LEF1: variants seen among roughly 807,000 people sequenced by gnomAD.
The protein encoded by LEF1 is lymphoid enhancer-binding factor 1.
In LEF1, 14 loss-of-function variants were observed where a neutral mutation model predicts 51.2. That is an observed-to-expected ratio of 0.27 (90% CI 0.18 to 0.43). The LOEUF (loss-of-function observed/expected upper bound fraction) is 0.43, where lower values mean the gene tolerates loss of function less well. Ranked by LOEUF, LEF1 falls within the 20% of genes least tolerant of loss-of-function variation. LEF1 has a pLI of 1.00. For missense variants in LEF1, 386 were observed against 512.0 expected, an observed-to-expected ratio of 0.75 and a Z score of 2.37; for synonymous variants, 185 against 183.2, an observed-to-expected ratio of 1.01 and a Z score of -0.08.
intron 3 of LEF1, among the ~76,000 whole-genome samples, chr4:108,157,468 G>A (rs1408836366): frequency 6.6e-6 from 1 of 151,978 alleles, no homozygotes; most frequent in Non-Finnish European, 1.5e-5. Flanking sequence ...ACTTTTTACA[G>A]GTGAACATAA....
intron 3 of LEF1, among the ~76,000 whole-genome samples, chr4:108,117,061 T>C (rs1425946198): frequency 6.6e-6 from 1 of 152,234 alleles, no homozygotes; most frequent in Non-Finnish European, 1.5e-5. Flanking sequence ...GGTTAGCCTT[T>C]TCATCTGATA....
chr4:108,145,074 C>T (rs573945251), intron 3 of LEF1, among the ~76,000 whole-genome samples: 4 of 152,220 alleles, frequency 2.6e-5, no homozygotes, highest in Non-Finnish European at 5.9e-5. Context: ...GAATACATAG[C>T]ATTATCCACT....
chr4:108,099,572 A>ATG lies in LEF1; in HGVS notation c.415-10316_415-10315insCA, dbSNP rs1381677606. Among the ~76,000 whole-genome samples the ATG allele has an allele frequency of 3.9e-3, 72 of 18,372 alleles. 1 individual carries two copies. Among genetic ancestry groups the ATG allele is most frequent in the Admixed American group, 0.012 (20 of 1,688 alleles). 12.1% of individuals were successfully genotyped at this position (18,372 alleles called of 152,430 possible). A position where few individuals can be genotyped will look rare whatever the true frequency, so the allele number is the denominator to read the frequency against. Reference sequence around the variant, plus strand: ...TGTGTGTGTATGTGTGTGTGTGTGTATATATATATATATATATATATATAT... The same window carrying ATG: ...TGTGTGTGTATGTGTGTGTGTGTGTATGTATATATATATATATATATATATAT... On this transcript the variant is annotated intron_variant, in intron 3 of 11. Transcript: ENST00000265165.
At chr4:108,154,502 A>C (rs78328567) in intron 3 of LEF1, among the ~76,000 whole-genome samples, 11,492 of 150,682 alleles carry the variant, frequency 0.076, 530 homozygotes, top group African/African-American at 0.13. Flanking sequence ...GCAAAAAAAA[A>C]CCAAAAAACT....
At chr4:108,079,793 G>C (rs1173702944) in intron 6 of LEF1, among the ~76,000 whole-genome samples, 179 bp from the exon 7 acceptor site, 1 of 151,126 alleles carries the variant, frequency 6.6e-6, no homozygotes, top group East Asian at 1.9e-4. Context: ...TCTATATTCG[G>C]GTGGAAAAAA....
At chr4:108,078,775 CTT>C (rs1159922881) in intron 7 of LEF1, among the ~76,000 whole-genome samples, 3 of 152,186 alleles carry the variant, frequency 2.0e-5, no homozygotes, top group Non-Finnish European at 4.4e-5. Flanking sequence ...GATCATTCCT[CTT>C]TCAGAATAGA....
At chr4:108,092,057 T>C (rs1740059982) in intron 3 of LEF1, among the ~76,000 whole-genome samples, 1 of 152,236 alleles carries the variant, frequency 6.6e-6, no homozygotes, top group Non-Finnish European at 1.5e-5. Flanking sequence ...GCAGGCAGCA[T>C]CTTCTTAATG....
intron 3 of LEF1, among the ~76,000 whole-genome samples, chr4:108,093,861 C>T (rs775564123): frequency 1.3e-5 from 2 of 152,206 alleles, no homozygotes; most frequent in African/African-American, 2.4e-5. Context: ...ATCAGGCCAA[C>T]CTACCCACAT....
At chr4:108,066,574 CAACT>C (rs1738094576) in intron 9 of LEF1, among the ~76,000 whole-genome samples, 2 of 152,180 alleles carry the variant, frequency 1.3e-5, no homozygotes, top group African/African-American at 4.8e-5. Flanking sequence ...ACACAGTGAC[CAACT>C]GAGCCTGCAC....
intron 3 of LEF1, among the ~76,000 whole-genome samples, chr4:108,108,244 T>C (rs1741296923): frequency 6.6e-6 from 1 of 152,164 alleles, no homozygotes; most frequent in African/African-American, 2.4e-5. Flanking sequence ...AACCTTCAGG[T>C]GCTTTGCAAG....
intron 3 of LEF1, among the ~76,000 whole-genome samples, chr4:108,144,372 G>A (rs1316493367): frequency 6.6e-6 from 1 of 152,156 alleles, no homozygotes; most frequent in Non-Finnish European, 1.5e-5. Flanking sequence ...TTGGAGCTGG[G>A]TTTAAACTGC....
intron 4 of LEF1, among the ~76,000 whole-genome samples, chr4:108,088,438 G>A (rs1739789957): frequency 6.6e-6 from 1 of 152,232 alleles, no homozygotes; most frequent in Non-Finnish European, 1.5e-5. Flanking sequence ...TTTGCGCCCT[G>A]AGTGATGGGA....
intron 3 of LEF1, among the ~76,000 whole-genome samples, chr4:108,145,345 T>C (rs1272280363): frequency 1.3e-5 from 2 of 152,214 alleles, no homozygotes; most frequent in African/African-American, 2.4e-5. Context: ...AAATCTGTAA[T>C]GACACTGGAC....
intron 8 of LEF1, 95 bp from the exon 9 acceptor site, chr4:108,070,865 A>T: frequency 1.2e-6 from 1 of 849,884 alleles, no homozygotes; most frequent in Non-Finnish European, 1.9e-6. Flanking sequence ...AATATTAAGC[A>T]TTTAAACTTT....
At chr4:108,166,430 G>A (rs968994950) in intron 1 of LEF1, 27 of 1,414,288 alleles carry the variant, frequency 1.9e-5, no homozygotes, top group African/African-American at 4.4e-5. Context: ...TCTTTGGAGG[G>A]AAAAGGCGTT....
At chr4:108,117,616 C>T (rs895331701) in intron 3 of LEF1, among the ~76,000 whole-genome samples, 6 of 152,188 alleles carry the variant, frequency 3.9e-5, no homozygotes, top group South Asian at 2.1e-4. Flanking sequence ...CTCTTGCAGC[C>T]GGCTGAGTGT....
chr4:108,133,672 A>C (rs1743049486), intron 3 of LEF1, among the ~76,000 whole-genome samples: 1 of 152,196 alleles, frequency 6.6e-6, no homozygotes, highest in Non-Finnish European at 1.5e-5. Context: ...TGCACTGGCA[A>C]AACTGTGTCT....
chr4:108,057,553 C>T (rs1483751960), intron 11 of LEF1, among the ~76,000 whole-genome samples: 1 of 152,160 alleles, frequency 6.6e-6, no homozygotes, highest in Non-Finnish European at 1.5e-5. Context: ...CCAGGCACAG[C>T]TCCTGGCAGA....
At chr4:108,081,770 A>G (rs1739323687) in intron 5 of LEF1, 101 bp from the exon 6 acceptor site, 2 of 817,080 alleles carry the variant, frequency 2.4e-6, no homozygotes, top group Non-Finnish European at 4.1e-6. Context: ...TTCAAACAGA[A>G]TCTTGTGGAA....
Sources: allele counts gnomAD v4.1 joint callset (sites outside exome capture counted in the v4.1 genomes callset), GRCh38; gene constraint gnomAD v4.1.1; transcripts MANE v1.5; gene names NCBI Gene and HGNC (gene_info 2026-07-23, HGNC 2026-07-21).